The following SLC16A4 variants were observed in gnomAD, a reference collection of about 807,000 sequenced individuals.
The protein encoded by SLC16A4 is solute carrier family 16 member 4.
SLC16A4 carries 39 observed loss-of-function variants against 47.9 expected under a neutral mutation model. That is an observed-to-expected ratio of 0.81 (90% CI 0.63 to 1.06). The LOEUF is 1.06. SLC16A4 is among the 50% of genes least tolerant of loss of function. The pLI is 0.00. For synonymous variants in SLC16A4, 189 were observed against 199.9 expected (o/e 0.95, Z 0.46); for missense variants, 524 against 573.8 (o/e 0.91, Z 0.89).
Position 110,389,232 on chromosome 1 carries a change from C to CAAGA in SLC16A4, c.87+4_87+5insTCTT, listed in dbSNP as rs763847067. The CAAGA allele has an allele frequency of 1.2e-6, 2 of 1,611,698 alleles. No homozygotes were observed. The highest frequency in any genetic ancestry group is 1.7e-6 in the Non-Finnish European group (2 of 1,177,920). ...TAGGAAAGGGGGAAAAAAGTGAATT[C>CAAGA]TTACCAGGAAAAAATGAATCACAAT... is the stretch of plus-strand genomic sequence containing the variant. On this transcript the variant is annotated splice_donor_region_variant and intron_variant, in intron 2 of 8. Transcript: ENST00000369779.
chr1:110,373,534 T>C (rs1661797535), intron 8 of SLC16A4, among the ~76,000 whole-genome samples: 1 of 152,190 alleles, frequency 6.6e-6, no homozygotes, highest in South Asian at 2.1e-4. Flanking sequence ...AAACGTAGGC[T>C]AAGTGTTAGA....
chr1:110,369,557 C>G (rs1409701568), intron 8 of SLC16A4, among the ~76,000 whole-genome samples: 1 of 152,070 alleles, frequency 6.6e-6, no homozygotes, highest in African/African-American at 2.4e-5. Context: ...CCACTGCACT[C>G]CAGCCTGGGT....
intron 4 of SLC16A4, 120 bp downstream of exon 4, chr1:110,381,532 C>T (rs1297632530): frequency 2.1e-6 from 2 of 941,416 alleles, no homozygotes; most frequent in East Asian, 2.6e-5. Context: ...CCATGTTGCC[C>T]AGGCTGGTCT....
chr1:110,375,975 GCT>G (rs990698783), intron 7 of SLC16A4, among the ~76,000 whole-genome samples: 2 of 152,030 alleles, frequency 1.3e-5, no homozygotes, highest in Non-Finnish European at 2.9e-5. Context: ...CACCTCCCAG[GCT>G]CAAGCGATCC....
intron 5 of SLC16A4, 33 bp from the exon 6 acceptor site, chr1:110,379,389 G>A (rs755582122): frequency 6.4e-7 from 1 of 1,558,698 alleles, no homozygotes; most frequent in Non-Finnish European, 8.7e-7. Context: ...ATTAAAAATA[G>A]CCTTTCAGTT....
chr1:110,386,256 A>G (rs2101072176), intron 2 of SLC16A4, among the ~76,000 whole-genome samples: 1 of 152,274 alleles, frequency 6.6e-6, no homozygotes, highest in South Asian at 2.1e-4. Flanking sequence ...TGCACCTACC[A>G]TGCTTCCCGT....
At chr1:110,383,813 T>TTTTG (rs71575166) in intron 2 of SLC16A4, among the ~76,000 whole-genome samples, 3,495 of 106,654 alleles carry the variant, frequency 0.033, 199 homozygotes, top group Non-Finnish European at 0.058. Context: ...AGGTTTTTTT[T>TTTTG]TTTTTTTTTT....
intron 8 of SLC16A4, among the ~76,000 whole-genome samples, chr1:110,366,265 C>A (rs1661390483): frequency 6.6e-6 from 1 of 152,054 alleles, no homozygotes; most frequent in African/African-American, 2.4e-5. Context: ...TCAAGTGATT[C>A]TCTTGCCTCA....
chr1:110,374,578 G>C (rs955137823), intron 8 of SLC16A4, among the ~76,000 whole-genome samples: 2 of 152,184 alleles, frequency 1.3e-5, no homozygotes, highest in African/African-American at 4.8e-5. Flanking sequence ...CTGTTCCCTA[G>C]AAATACTTCT....
chr1:110,386,192 C>CT (rs1280732003), intron 2 of SLC16A4, among the ~76,000 whole-genome samples: 2 of 152,192 alleles, frequency 1.3e-5, no homozygotes, highest in African/African-American at 4.8e-5. Flanking sequence ...GGACTTGTCT[C>CT]TAATAACTGA....
intron 8 of SLC16A4, among the ~76,000 whole-genome samples, chr1:110,368,070 T>C (rs1264294775): frequency 6.6e-6 from 1 of 152,136 alleles, no homozygotes; most frequent in East Asian, 1.9e-4. Context: ...CCTCGTGATC[T>C]GCCCGCCTCG....
chr1:110,382,550 A>C (rs1662465117), intron 3 of SLC16A4, among the ~76,000 whole-genome samples: 2 of 152,176 alleles, frequency 1.3e-5, no homozygotes, highest in Non-Finnish European at 2.9e-5. Flanking sequence ...TACTCATTGA[A>C]CCTATATTAA....
intron 6 of SLC16A4, among the ~76,000 whole-genome samples, chr1:110,378,444 G>A (rs1570643877): frequency 6.6e-6 from 1 of 152,212 alleles, no homozygotes; most frequent in African/African-American, 2.4e-5. Context: ...TACAGAGCAG[G>A]AGGTTGAGCC....
chr1:110,369,744 G>A (rs1661590287), intron 8 of SLC16A4, among the ~76,000 whole-genome samples: 1 of 152,192 alleles, frequency 6.6e-6, no homozygotes, highest in African/African-American at 2.4e-5. Context: ...TCCAAGGTGT[G>A]CAAAGACAAT....
intron 5 of SLC16A4, among the ~76,000 whole-genome samples, chr1:110,380,391 T>C (rs1052389120): frequency 1.3e-5 from 2 of 152,130 alleles, no homozygotes; most frequent in Non-Finnish European, 2.9e-5. Context: ...TTTCCAGTAG[T>C]TTAGGATTAT....
intron 2 of SLC16A4, among the ~76,000 whole-genome samples, chr1:110,383,521 G>A (rs1229107065): frequency 3.3e-5 from 5 of 152,058 alleles, no homozygotes; most frequent in African/African-American, 1.2e-4. Flanking sequence ...AGGGTGGAGG[G>A]GGACCCACAA....
At chr1:110,376,025 T>C (rs1288968897) in intron 7 of SLC16A4, among the ~76,000 whole-genome samples, 2 of 152,050 alleles carry the variant, frequency 1.3e-5, no homozygotes, top group African/African-American at 4.8e-5. Context: ...CACAGGTGCG[T>C]GCCACCACAC....
At chr1:110,390,771 T>C (rs1662998038) in intron 1 of SLC16A4, 94 bp downstream of exon 1, 1 of 152,318 alleles carries the variant, frequency 6.6e-6, no homozygotes, top group Admixed American at 6.5e-5. Context: ...TGGCAGGGTA[T>C]GCGGAATGGC....
At chr1:110,381,935 T>C in intron 3 of SLC16A4, 140 bp from the exon 4 acceptor site, 1 of 810,246 alleles carries the variant, frequency 1.2e-6, no homozygotes, top group Non-Finnish European at 1.9e-6. Flanking sequence ...AAAAAAGATT[T>C]TCATATCGGG....
Sources: gnomAD v4.1 joint callset for allele counts (sites outside exome capture counted in the v4.1 genomes callset) on GRCh38, gnomAD v4.1.1 for gene constraint, MANE v1.5 for transcripts, NCBI Gene and HGNC (gene_info 2026-07-23, HGNC 2026-07-21) for gene names.